Variants in SLC7A1 observed in about 807,000 individuals in gnomAD.
SLC7A1 encodes solute carrier family 7 member 1, also known as high affinity cationic amino acid transporter 1.
A neutral mutation model predicts 53.9 loss-of-function variants in SLC7A1; 10 were observed. The observed-to-expected ratio is 0.19, with a 90% confidence interval of 0.11 to 0.31. SLC7A1 has a LOEUF of 0.31. SLC7A1 is among the 10% of genes least tolerant of loss of function. The pLI is 1.00. For synonymous variants in SLC7A1, 342 were observed against 338.7 expected, an observed-to-expected ratio of 1.01 and a Z score of -0.11; for missense variants, 525 against 827.2, an observed-to-expected ratio of 0.63 and a Z score of 4.48.
chr13:29,583,222 T>C (rs1871728689), intron 1 of SLC7A1, among the ~76,000 whole-genome samples: 1 of 152,172 alleles, frequency 6.6e-6, no homozygotes, highest in Admixed American at 6.5e-5. Flanking sequence ...GCCCCCACAG[T>C]TCTGTTCCTT....
chr13:29,586,078 GACA>G (rs975319808), intron 1 of SLC7A1, among the ~76,000 whole-genome samples: 31 of 152,286 alleles, frequency 2.0e-4, no homozygotes, highest in African/African-American at 6.7e-4. Context: ...TTAGGAAAAA[GACA>G]ACATCTGATA....
chr13:29,566,909 C>A (rs1870991174), intron 1 of SLC7A1, among the ~76,000 whole-genome samples: 2 of 152,222 alleles, frequency 1.3e-5, no homozygotes, highest in Admixed American at 1.3e-4. Flanking sequence ...CTTTCTCCCA[C>A]ATACTTTAAT....
At chr13:29,540,641 G>A (rs764600622) in intron 2 of SLC7A1, among the ~76,000 whole-genome samples, 45 of 152,286 alleles carry the variant, frequency 3.0e-4, no homozygotes, top group Non-Finnish European at 5.9e-4. Flanking sequence ...GCTGTTATAC[G>A]ACACTCGGAA....
At chr13:29,580,758 T>TGAACAGTGTTAG (rs111893196) in intron 1 of SLC7A1, among the ~76,000 whole-genome samples, 3 of 151,784 alleles carry the variant, frequency 2.0e-5, no homozygotes, top group Non-Finnish European at 2.9e-5. Flanking sequence ...TTCTAGAGAC[T>TGAACAGTGTTAG]GAAGGTGATT....
At chr13:29,578,359 G>T (rs942674953) in intron 1 of SLC7A1, among the ~76,000 whole-genome samples, 1 of 152,082 alleles carries the variant, frequency 6.6e-6, no homozygotes, top group Non-Finnish European at 1.5e-5. Context: ...CGTGAACTCA[G>T]TGGCACAGCT....
intron 1 of SLC7A1, among the ~76,000 whole-genome samples, chr13:29,575,723 A>G (rs1163417312): frequency 6.6e-6 from 1 of 152,222 alleles, no homozygotes; most frequent in Non-Finnish European, 1.5e-5. Context: ...TAAAAAGTTT[A>G]GATTCCAAAT....
intron 8 of SLC7A1, among the ~76,000 whole-genome samples, chr13:29,521,383 A>C (rs531508619): frequency 1.4e-3 from 217 of 152,338 alleles, no homozygotes; most frequent in African/African-American, 5.1e-3. Context: ...CACATGCCCT[A>C]ATTTGCCAAA....
chr13:29,579,609 C>T lies in SLC7A1; in HGVS notation c.-115+15807G>A, dbSNP rs192941947. On this transcript the variant is annotated intron_variant, in intron 1 of 12. Coordinates refer to ENST00000380752, the MANE Select transcript of SLC7A1 (RefSeq NM_003045.5). ...AACTCCTGACCTCAGGTGATCCACC[C>T]GCCTCAGCCTTCCAAAGTGCCACTG... Among the ~76,000 whole-genome samples, 14 of 152,216 alleles carry T rather than the reference C, an allele frequency of 9.2e-5. No individual in the cohort carries two copies. The East Asian group carries it at 2.3e-3, about 25-fold the overall frequency.
chr13:29,568,897 C>T (rs887494247), intron 1 of SLC7A1, among the ~76,000 whole-genome samples: 4 of 152,242 alleles, frequency 2.6e-5, no homozygotes, highest in African/African-American at 4.8e-5. Flanking sequence ...GTGACTCAGA[C>T]GCGCCTGAAC....
intron 1 of SLC7A1, among the ~76,000 whole-genome samples, chr13:29,584,574 AT>A (rs1871796359): frequency 6.6e-6 from 1 of 152,116 alleles, no homozygotes; most frequent in South Asian, 2.1e-4. Flanking sequence ...AAGGACAGAC[AT>A]TTGCACATTG....
chr13:29,579,839 C>G, intron 1 of SLC7A1, among the ~76,000 whole-genome samples: 1 of 152,200 alleles, frequency 6.6e-6, no homozygotes, highest in East Asian at 1.9e-4. Context: ...CCATTCTGCT[C>G]CTTCTGGTCG....
intron 1 of SLC7A1, among the ~76,000 whole-genome samples, chr13:29,576,960 A>G (rs1049517801): frequency 5.9e-5 from 9 of 152,204 alleles, no homozygotes; most frequent in Non-Finnish European, 1.5e-5. Context: ...GCTCTGGGTC[A>G]GAGGGGCCCT....
intron 2 of SLC7A1, among the ~76,000 whole-genome samples, chr13:29,537,224 G>A (rs536608444): frequency 4.6e-5 from 7 of 152,248 alleles, no homozygotes; most frequent in Non-Finnish European, 8.8e-5. Context: ...GAGGACCACC[G>A]CCTGCGGCAG....
intron 1 of SLC7A1, among the ~76,000 whole-genome samples, chr13:29,570,890 A>G (rs1014673618): frequency 6.6e-6 from 1 of 152,008 alleles, no homozygotes; most frequent in African/African-American, 2.4e-5. Context: ...CAAGTTATTT[A>G]ATTTCTTTGA....
rs1050279358 is a variant in SLC7A1, at chr13:29,557,558, T to C, written c.-114-3698A>G. On this transcript the variant is annotated intron_variant, in intron 1 of 12. Transcript: ENST00000380752. ...TGTGAATGGAAACATAGAAAAGGTA[T>C]AGCAAGAATAAGATACAAAAGATAA... is the stretch of plus-strand genomic sequence containing the variant. Among the ~76,000 whole-genome samples, 7 of 151,610 alleles carry C rather than the reference T, an allele frequency of 4.6e-5. No homozygotes were observed. The South Asian group carries it at 1.5e-3, about 32-fold the overall frequency.
In SLC7A1 at chr13:29,523,412, G is replaced by A. The variant is rs1868725845; in HGVS notation, c.903C>T (p.Tyr301=). 2.5e-6 allele frequency: 4 copies of A among 1,613,998 alleles called. No individual in the cohort carries two copies. In the African/African-American group the frequency reaches 5.3e-5, roughly 22 times the overall value. The change falls in exon 7 of 13, where the codon TAC becomes TAT. Residue 301 remains tyrosine, a synonymous_variant. Coordinates refer to ENST00000380752, the MANE Select transcript of SLC7A1 (RefSeq NM_003045.5). ...VASLLICFIA[Y]FGVSAALTLM... ...GCGTGAGGGCAGCCGACACCCCAAA[G>A]TAGGCGATGAAGCAGATCAAGAGGG...
intron 8 of SLC7A1, among the ~76,000 whole-genome samples, chr13:29,520,556 G>A (rs749890490): frequency 6.6e-5 from 10 of 152,188 alleles, no homozygotes; most frequent in African/African-American, 2.2e-4. Context: ...TTTTGTGAGC[G>A]TTGTGAGAGT....
chr13:29,544,872 G>A lies in SLC7A1; in HGVS notation c.-14-8670C>T, dbSNP rs1040515143. 4.6e-5 allele frequency among the ~76,000 whole-genome samples: 7 copies of A among 151,034 alleles called. No homozygotes were observed. The South Asian group carries it at 1.5e-3, about 32-fold the overall frequency. On this transcript the variant is annotated intron_variant, in intron 2 of 12. Transcript: ENST00000380752. ...TGACATCGCACCTGCCTCATCGGGG[G>A]GGGGGGGCAAGCTCTTCCCACTGAC...
intron 1 of SLC7A1, among the ~76,000 whole-genome samples, chr13:29,561,675 T>A (rs990470425): frequency 2.0e-5 from 3 of 152,172 alleles, no homozygotes; most frequent in African/African-American, 7.2e-5. Context: ...AATCAAAACC[T>A]AATGTGCACA....
Sources: gnomAD v4.1 joint callset for allele counts (sites outside exome capture counted in the v4.1 genomes callset) on GRCh38, gnomAD v4.1.1 for gene constraint, MANE v1.5 for transcripts, NCBI Gene and HGNC (gene_info 2026-07-23, HGNC 2026-07-21) for gene names.